B3GALNT2: variants seen among roughly 807,000 people sequenced by gnomAD.
B3GALNT2 encodes UDP-GalNAc:beta-1,3-N-acetylgalactosaminyltransferase 2.
In B3GALNT2, 53 loss-of-function variants were observed where a neutral mutation model predicts 61.1. That is an observed-to-expected ratio of 0.87 (90% CI 0.70 to 1.09). The LOEUF is 1.09. Ranked by LOEUF, B3GALNT2 falls within the 50% of genes least tolerant of loss-of-function variation. The pLI is 0.00. For synonymous variants in B3GALNT2, 223 were observed against 237.4 expected, an observed-to-expected ratio of 0.94 and a Z score of 0.56; for missense variants, 544 against 623.0, an observed-to-expected ratio of 0.87 and a Z score of 1.35.
intron 6 of B3GALNT2, among the ~76,000 whole-genome samples, chr1:235,468,686 C>T (rs940388274): frequency 1.3e-5 from 2 of 151,598 alleles, no homozygotes; most frequent in African/African-American, 2.4e-5. Context: ...CTCTTGACCT[C>T]GTGATCCTCC....
chr1:235,455,652 A>C lies in B3GALNT2; in HGVS notation c.1058T>G (p.Leu353Arg). 1 of 1,607,076 alleles carries C rather than the reference A, an allele frequency of 6.2e-7. No homozygotes were observed. The highest frequency in any genetic ancestry group is 1.3e-5 in the African/African-American group (1 of 74,874). The change falls in exon 9 of 12, where the codon CTG (leucine) becomes CGG (arginine). Residue 353 changes from leucine to arginine, a missense_variant. Physicochemically the swap from Leu to Arg is moderately radical, Grantham distance 102. Transcript: ENST00000366600. ...TATGTAACAGTCATCATCTGTCTTC[A>C]GCAACAAATTGAAGCTCGTTGTTTC... ...TVETTSFNLL[L>R]KTDDDCYIDL... is the part of the protein sequence containing the mutation.
the B3GALNT2 span, among the ~76,000 whole-genome samples, chr1:235,442,097 TCC>T: frequency 5.3e-5 from 8 of 151,200 alleles, no homozygotes; most frequent in African/African-American, 1.9e-4. Flanking sequence ...AACCTCCGCC[TCC>T]CAGGTTCTAA....
rs58444157 is a variant in B3GALNT2 at position 235,478,200 on chromosome 1, C to T, written c.651+1854G>A. ...CCCGAGTAACTGGGATTACAGGAGC[C>T]TACCACCGCACCCAGCTAATTTTTG... On this transcript the variant is annotated intron_variant, in intron 5 of 11. Coordinates refer to ENST00000366600, the MANE Select transcript of B3GALNT2 (RefSeq NM_152490.5). Among the ~76,000 whole-genome samples the T allele has an allele frequency of 5.8e-3, 877 of 152,208 alleles. 8 individuals carry two copies. The highest frequency in any genetic ancestry group is 0.02 in the African/African-American group (845 of 41,516).
At position 235,477,414 on chromosome 1, in the gene B3GALNT2, A is replaced by G. The variant is rs550948304; in HGVS notation, c.651+2640T>C. 5.9e-5 allele frequency among the ~76,000 whole-genome samples: 9 copies of G among 152,330 alleles called. No individual in the cohort carries two copies. In the East Asian group the frequency reaches 1.7e-3, roughly 29 times the overall value. On this transcript the variant is annotated intron_variant, in intron 5 of 11. Transcript: ENST00000366600. Reference sequence around the variant, plus strand: ...CAAGGACATTCTAAGCGAAAATAATATTTTTTATGAACTAATCAAAATTTG... The same window carrying G: ...CAAGGACATTCTAAGCGAAAATAATGTTTTTTATGAACTAATCAAAATTTG...
chr1:235,465,406 A>G (rs1683640878), intron 7 of B3GALNT2: 2 of 487,596 alleles, frequency 4.1e-6, no homozygotes, highest in Non-Finnish European at 6.8e-6. Context: ...GGGGTTGGGG[A>G]GGTAAGAATG....
At chr1:235,503,404 G>T (rs1685674616) in intron 1 of B3GALNT2, among the ~76,000 whole-genome samples, 1 of 152,220 alleles carries the variant, frequency 6.6e-6, no homozygotes, top group African/African-American at 2.4e-5. Context: ...CATTCTATTA[G>T]GCTGTGACGC....
chr1:235,458,178 C>T (rs144030145), intron 8 of B3GALNT2, among the ~76,000 whole-genome samples: 3 of 152,012 alleles, frequency 2.0e-5, no homozygotes, highest in East Asian at 1.9e-4. Flanking sequence ...AAAGTGCTGC[C>T]GGCAGGCATA....
intron 7 of B3GALNT2, among the ~76,000 whole-genome samples, chr1:235,460,666 T>G (rs1683380983): frequency 6.6e-6 from 1 of 151,732 alleles, no homozygotes; most frequent in Non-Finnish European, 1.5e-5. Flanking sequence ...CTCAACTTCC[T>G]GGGCTCAAGT....
intron 2 of B3GALNT2, among the ~76,000 whole-genome samples, chr1:235,490,545 CTAGTT>C (rs1036346731): frequency 6.6e-6 from 1 of 152,044 alleles, no homozygotes; most frequent in Non-Finnish European, 1.5e-5. Flanking sequence ...ATTAGTAACT[CTAGTT>C]TAGACCCATG....
chr1:235,450,429 T>A, intron 11 of B3GALNT2, 89 bp from the exon 12 acceptor site: 3 of 1,428,970 alleles, frequency 2.1e-6, no homozygotes, highest in African/African-American at 1.4e-5. Flanking sequence ...TTTTATGTAT[T>A]CTAATGATGC....
chr1:235,440,266 A>C, the B3GALNT2 span, among the ~76,000 whole-genome samples: 1 of 152,038 alleles, frequency 6.6e-6, no homozygotes, highest in Non-Finnish European at 1.5e-5. Flanking sequence ...CACCGCGCCC[A>C]GCCAGGGAAA....
At chr1:235,496,250 G>T in intron 1 of B3GALNT2, 2 of 318,852 alleles carry the variant, frequency 6.3e-6, no homozygotes, top group Non-Finnish European at 1.1e-5. Context: ...GGTGGAGGTT[G>T]GGGTGAGCCG....
In B3GALNT2 at chr1:235,449,482, C is replaced by G. The variant is rs1413723545; in HGVS notation, c.*724G>C. ...AGAGGTATTTGCTTTTATTCATACT[C>G]ACACAACTTTAGCATTTAAAAACTA... On this transcript the variant is annotated 3_prime_UTR_variant, in exon 12 of 12. Transcript: ENST00000366600. 6.5e-6 allele frequency: 1 copy of G among 152,836 alleles called. No individual in the cohort carries two copies. The highest frequency in any genetic ancestry group is 1.5e-5 in the Non-Finnish European group (1 of 68,546). 9.5% of individuals were successfully genotyped at this position (152,836 alleles called of 1,614,324 possible).
At chr1:235,466,984 AC>A (rs1342119670) in intron 6 of B3GALNT2, among the ~76,000 whole-genome samples, 1 of 152,204 alleles carries the variant, frequency 6.6e-6, no homozygotes, top group African/African-American at 2.4e-5. Context: ...GTTGTACTGT[AC>A]AAAGCAATGT....
intron 3 of B3GALNT2, 59 bp downstream of exon 3, chr1:235,489,109 T>C: frequency 6.3e-7 from 1 of 1,592,018 alleles, no homozygotes; most frequent in Non-Finnish European, 8.5e-7. Flanking sequence ...CTATTAAGCT[T>C]AGCAACTTTT....
intron 8 of B3GALNT2, 71 bp from the exon 9 acceptor site, chr1:235,455,755 A>T: frequency 6.8e-7 from 1 of 1,480,242 alleles, no homozygotes. Context: ...GGCGTCACTA[A>T]CACTTTCATT....
chr1:235,445,458 G>A (rs767752052), downstream of B3GALNT2, among the ~76,000 whole-genome samples: 6 of 152,008 alleles, frequency 3.9e-5, no homozygotes, highest in African/African-American at 9.7e-5. Flanking sequence ...GTGAAACCCC[G>A]TCTCTACAAA....
In B3GALNT2 at chr1:235,454,207, C is replaced by T. The variant is rs1228360526; in HGVS notation, c.1260G>A (p.Lys420=). 6.2e-7 allele frequency: 1 copy of T among 1,613,428 alleles called. No homozygotes were observed. The highest frequency in any genetic ancestry group is 1.7e-5 in the Admixed American group (1 of 59,954). Residue 420 remains lysine (K), a synonymous_variant, in exon 10 of 12, where the codon AAG becomes AAA. Transcript: ENST00000366600. ...TGCTTGCCAGCCACTTGACGATGTC[C>T]TTGGAGATCACATATCCTGACCCAC... The part of the protein sequence containing the change: ...FACGSGYVIS[K]DIVKWLASNS...
chr1:235,483,297 C>T (rs291385), intron 4 of B3GALNT2, among the ~76,000 whole-genome samples: 112,563 of 152,100 alleles, frequency 0.74, 42,820 homozygotes, highest in African/African-American at 0.93. Context: ...ATACATGTAA[C>T]TGGAATCCCA....
Sources: gnomAD v4.1 joint callset for allele counts (sites outside exome capture counted in the v4.1 genomes callset) on GRCh38, gnomAD v4.1.1 for gene constraint, MANE v1.5 for transcripts, NCBI Gene and HGNC (gene_info 2026-07-23, HGNC 2026-07-21) for gene names.